The following TMTC1 variants were observed in gnomAD, a reference collection of about 807,000 sequenced individuals.
TMTC1 encodes protein O-mannosyl-transferase TMTC1.
In TMTC1, 73 loss-of-function variants were observed where a neutral mutation model predicts 104.8. The observed-to-expected ratio is 0.70, with a 90% CI of 0.58 to 0.85. TMTC1 has a LOEUF of 0.85. TMTC1 is among the 40% of genes least tolerant of loss of function. TMTC1 has a pLI of 0.00. For missense variants in TMTC1, 1,035 were observed against 1,096.1 expected (o/e 0.94, Z 0.79); for synonymous variants, 434 against 428.7 (o/e 1.01, Z -0.15).
intron 5 of TMTC1, among the ~76,000 whole-genome samples, chr12:29,674,360 T>C (rs142232344): frequency 1.5e-3 from 234 of 152,102 alleles, no homozygotes; most frequent in African/African-American, 5.4e-3. Flanking sequence ...ATTAGAATAG[T>C]AACCAGAAAT....
intron 5 of TMTC1, among the ~76,000 whole-genome samples, chr12:29,700,945 G>T (rs1283518646): frequency 6.6e-6 from 1 of 152,000 alleles, no homozygotes; most frequent in African/African-American, 2.4e-5. Flanking sequence ...ATTAAGTAAG[G>T]CTCAGGCACT....
chr12:29,583,599 G>C, intron 7 of TMTC1, 25 bp from the exon 8 acceptor site: 1 of 1,601,928 alleles, frequency 6.2e-7, no homozygotes, highest in South Asian at 1.1e-5. Flanking sequence ...GGAAGGAACG[G>C]GATTACTTTG....
At chr12:29,655,128 G>A (rs1463120846) in intron 5 of TMTC1, among the ~76,000 whole-genome samples, 2 of 152,080 alleles carry the variant, frequency 1.3e-5, no homozygotes, top group African/African-American at 2.4e-5. Context: ...TGATCCGCCT[G>A]CCTCGGCCTC....
intron 5 of TMTC1, among the ~76,000 whole-genome samples, chr12:29,645,020 C>T (rs2136571256): frequency 6.6e-6 from 1 of 152,280 alleles, no homozygotes; most frequent in South Asian, 2.1e-4. Flanking sequence ...TGAATGTGCC[C>T]ATCCTCCTCA....
intron 6 of TMTC1, among the ~76,000 whole-genome samples, chr12:29,612,932 G>A (rs1946882535): frequency 1.3e-5 from 2 of 152,174 alleles, no homozygotes; most frequent in African/African-American, 4.8e-5. Context: ...GAAAGTGAAG[G>A]AGCATCCACA....
At chr12:29,549,943 C>T (rs1291625715) in intron 10 of TMTC1, among the ~76,000 whole-genome samples, 1 of 152,064 alleles carries the variant, frequency 6.6e-6, no homozygotes, top group East Asian at 1.9e-4. Context: ...GATTGGATGA[C>T]AGTCTAGAGT....
chr12:29,613,273 AG>A (rs1434437559), intron 6 of TMTC1, among the ~76,000 whole-genome samples: 1 of 152,190 alleles, frequency 6.6e-6, no homozygotes, highest in East Asian at 1.9e-4. Context: ...AGGTACACCT[AG>A]GACCCCCACC....
At chr12:29,778,590 T>C (rs982371664) in intron 1 of TMTC1, among the ~76,000 whole-genome samples, 1 of 152,282 alleles carries the variant, frequency 6.6e-6, no homozygotes, top group Admixed American at 6.5e-5. Flanking sequence ...GTCACAGATG[T>C]TTTGATTCTG....
chr12:29,644,328 T>C (rs1939169874), intron 5 of TMTC1, among the ~76,000 whole-genome samples: 1 of 151,144 alleles, frequency 6.6e-6, no homozygotes, highest in Non-Finnish European at 1.5e-5. Context: ...TACAAAGGCA[T>C]AAAAATGACA....
rs544158963 is a variant in TMTC1 at position 29,561,163 on chromosome 12, A to T, written c.1533-4163T>A. Among the ~76,000 whole-genome samples, 7 of 151,108 alleles carry T rather than the reference A, an allele frequency of 4.6e-5. No homozygotes were observed. In the East Asian group the frequency reaches 7.8e-4, roughly 17 times the overall value. ...TGGTATCATTGCACTCCAGCCCAGG[A>T]GACAGTGAAACCCCATCTTTTAAAG... On this transcript the variant is annotated intron_variant, in intron 9 of 17. Coordinates refer to ENST00000539277, the MANE Select transcript of TMTC1 (RefSeq NM_001193451.2).
intron 1 of TMTC1, among the ~76,000 whole-genome samples, chr12:29,772,700 A>G (rs1279202858): frequency 6.6e-5 from 10 of 152,314 alleles, no homozygotes; most frequent in Non-Finnish European, 1.5e-4. Context: ...TGCTTGGATA[A>G]CCAGAAATGT....
At chr12:29,583,683 G>T in intron 7 of TMTC1, 109 bp from the exon 8 acceptor site, 1 of 911,406 alleles carries the variant, frequency 1.1e-6, no homozygotes, top group Non-Finnish European at 1.6e-6. Context: ...CTGTGCTAGA[G>T]AAACAAATAG....
chr12:29,765,490 A>G (rs939334043), intron 2 of TMTC1, among the ~76,000 whole-genome samples: 4 of 152,174 alleles, frequency 2.6e-5, no homozygotes, highest in African/African-American at 9.6e-5. Context: ...TATGCTTAAA[A>G]CTATTGTATT....
At chr12:29,723,026 T>C (rs1377202205) in intron 5 of TMTC1, among the ~76,000 whole-genome samples, 2 of 151,852 alleles carry the variant, frequency 1.3e-5, no homozygotes, top group African/African-American at 2.4e-5. Context: ...TTTATTTCTA[T>C]ACACTAGCAT....
rs1943593390 is a variant in TMTC1 at position 29,501,560 on chromosome 12, C to T, written c.*5286G>A. 6.6e-6 allele frequency: 1 copy of T among 150,588 alleles called. No individual in the cohort carries two copies. Among genetic ancestry groups the T allele is most frequent in the African/African-American group, 2.4e-5 (1 of 41,288 alleles). 9.3% of individuals were successfully genotyped at this position (150,588 alleles called of 1,614,324 possible). A position where few individuals can be genotyped will look rare whatever the true frequency, so the allele number is the denominator to read the frequency against. On this transcript the variant is annotated 3_prime_UTR_variant, in exon 18 of 18. Coordinates refer to ENST00000539277, the MANE Select transcript of TMTC1 (RefSeq NM_001193451.2). Reference sequence around the variant, plus strand: ...TGGGGTAGTGTACCCCTCCTATGGACCAGCAAGATAAATAACCCCCAAAGG... The same window carrying T: ...TGGGGTAGTGTACCCCTCCTATGGATCAGCAAGATAAATAACCCCCAAAGG...
chr12:29,718,726 G>A (rs1942149771), intron 5 of TMTC1, among the ~76,000 whole-genome samples: 2 of 152,086 alleles, frequency 1.3e-5, no homozygotes, highest in African/African-American at 2.4e-5. Context: ...GAGGTGAGGA[G>A]ATCGAGACCA....
At chr12:29,657,878 G>T (rs1317279210) in intron 5 of TMTC1, among the ~76,000 whole-genome samples, 2 of 152,148 alleles carry the variant, frequency 1.3e-5, no homozygotes, top group African/African-American at 4.8e-5. Context: ...GGCTGAGGCA[G>T]GTGGGTCACC....
intron 4 of TMTC1, among the ~76,000 whole-genome samples, chr12:29,752,326 TGTGA>T (rs1327061273): frequency 6.6e-6 from 1 of 152,216 alleles, no homozygotes; most frequent in Non-Finnish European, 1.5e-5. Flanking sequence ...CACTCAGTTA[TGTGA>T]GTAACTCACA....
At chr12:29,772,790 C>T (rs554473302) in intron 1 of TMTC1, among the ~76,000 whole-genome samples, 4 of 152,190 alleles carry the variant, frequency 2.6e-5, no homozygotes, top group African/African-American at 7.2e-5. Context: ...CCTGAATGTA[C>T]CCCTTTGAAA....
Sources: allele counts gnomAD v4.1 joint callset (sites outside exome capture counted in the v4.1 genomes callset), GRCh38; gene constraint gnomAD v4.1.1; transcripts MANE v1.5; gene names NCBI Gene and HGNC (gene_info 2026-07-23, HGNC 2026-07-21).